The following REV3L variants were observed in gnomAD, a reference collection of about 807,000 sequenced individuals.
REV3L encodes the protein REV3 like, DNA directed polymerase zeta catalytic subunit.
A neutral mutation model predicts 299.4 loss-of-function variants in REV3L; 69 were observed. That is an observed-to-expected ratio of 0.23 (90% CI 0.19 to 0.28). The LOEUF is 0.28. Ranked by LOEUF, REV3L falls within the 10% of genes least tolerant of loss-of-function variation. The probability of loss-of-function intolerance (pLI) is 1.00; values close to 1 mark genes in which losing one functional copy is unlikely to be tolerated. For missense variants in REV3L, 3,128 were observed against 3,693.8 expected (o/e 0.85, Z 3.97); for synonymous variants, 1,238 against 1,271.4 (o/e 0.97, Z 0.56).
chr6:111,412,145 A>T (rs1784314828), intron 2 of REV3L: 2 of 985,288 alleles, frequency 2.0e-6, no homozygotes, highest in Non-Finnish European at 2.4e-6. Flanking sequence ...GTATTTCAGT[A>T]GCTGATATGA....
Position 111,376,764 on chromosome 6 carries a change from T to C in REV3L, c.1598-7A>G, listed in dbSNP as rs1554211965. On this transcript the variant is annotated splice_region_variant and splice_polypyrimidine_tract_variant and intron_variant, in intron 12 of 31. Transcript: ENST00000368802. ...TCATTGTTCAATGGATTGTCTGAAA[T>C]GAGGAGGGAAAAACAGTTTATTTCA... The C allele has an allele frequency of 2.6e-6, 4 of 1,542,454 alleles. No individual in the cohort carries two copies. The highest frequency in any genetic ancestry group is 2.5e-5 in the South Asian group (2 of 80,368).
intron 9 of REV3L, among the ~76,000 whole-genome samples, chr6:111,387,022 A>T (rs1582798018): frequency 6.6e-6 from 1 of 152,152 alleles, no homozygotes; most frequent in Non-Finnish European, 1.5e-5. Flanking sequence ...GCTCCTGGCC[A>T]GCAGCACTAT....
At chr6:111,397,712 C>T (rs1782670102) in intron 4 of REV3L, among the ~76,000 whole-genome samples, 1 of 152,052 alleles carries the variant, frequency 6.6e-6, no homozygotes, top group South Asian at 2.1e-4. Context: ...CCACAGTTCA[C>T]TGCAGCCTCA....
At chr6:111,309,813 T>A in intron 30 of REV3L, 40 bp downstream of exon 30, 4 of 1,577,602 alleles carry the variant, frequency 2.5e-6, no homozygotes, top group Non-Finnish European at 3.4e-6. Context: ...GAGTGAAATC[T>A]CTCCATAGTT....
intron 2 of REV3L, chr6:111,412,327 A>G: frequency 1.1e-6 from 1 of 908,830 alleles, no homozygotes; most frequent in Non-Finnish European, 1.3e-6. Flanking sequence ...GCAAAAGGCT[A>G]TATAACAGGA....
intron 1 of REV3L, among the ~76,000 whole-genome samples, chr6:111,441,953 C>G (rs1489608618): frequency 2.0e-5 from 3 of 152,076 alleles, no homozygotes; most frequent in Non-Finnish European, 4.4e-5. Flanking sequence ...GGCCTGTGTC[C>G]CGGGGGTGTG....
At chr6:111,368,968 A>G (rs1779499441) in intron 13 of REV3L, among the ~76,000 whole-genome samples, 2 of 152,168 alleles carry the variant, frequency 1.3e-5, no homozygotes, top group South Asian at 4.1e-4. Flanking sequence ...TGTCTCCTTT[A>G]TATGAAAAGA....
intron 1 of REV3L, among the ~76,000 whole-genome samples, chr6:111,426,488 G>C (rs900188506): frequency 1.3e-5 from 2 of 152,174 alleles, no homozygotes; most frequent in African/African-American, 4.8e-5. Context: ...AATTTTTTGT[G>C]TGTGAAAAAT....
intron 28 of REV3L, 90 bp downstream of exon 28, chr6:111,313,262 C>T: frequency 8.4e-7 from 1 of 1,189,734 alleles, no homozygotes; most frequent in East Asian, 2.4e-5. Context: ...AGTTCCTTCA[C>T]CTAGATGCAT....
At chr6:111,482,621 G>GAGGGA in intron 1 of REV3L, 129 bp downstream of exon 1, 1 of 418,548 alleles carries the variant, frequency 2.4e-6, no homozygotes, top group Non-Finnish European at 3.4e-6. Context: ...GGGCGGAGGG[G>GAGGGA]AGGGAAGACG....
At chr6:111,308,238 A>G (rs773423937) in intron 30 of REV3L, 1 of 453,952 alleles carries the variant, frequency 2.2e-6, no homozygotes, top group South Asian at 1.6e-5. Context: ...TAGTGCCGCA[A>G]TAAATCCCTT....
chr6:111,434,650 A>G (rs1440775969), intron 1 of REV3L, among the ~76,000 whole-genome samples: 1 of 152,072 alleles, frequency 6.6e-6, no homozygotes, highest in Non-Finnish European at 1.5e-5. Flanking sequence ...TGAATCCAGT[A>G]AAGTTGTAGG....
At chr6:111,430,875 T>C in intron 1 of REV3L, 2 of 1,605,020 alleles carry the variant, frequency 1.2e-6, no homozygotes, top group Non-Finnish European at 1.7e-6. Context: ...ACAACAATGT[T>C]GGGACTTCTC....
chr6:111,376,964 T>G (rs1442321225), intron 12 of REV3L, among the ~76,000 whole-genome samples: 2 of 152,206 alleles, frequency 1.3e-5, no homozygotes, highest in Non-Finnish European at 2.9e-5. Flanking sequence ...TAAACAAATA[T>G]TCCATTGATC....
intron 5 of REV3L, among the ~76,000 whole-genome samples, chr6:111,392,428 A>G (rs1313718346): frequency 2.0e-5 from 3 of 152,200 alleles, no homozygotes; most frequent in Non-Finnish European, 4.4e-5. Flanking sequence ...ATAATGAAAC[A>G]AATAAATTAC....
At chr6:111,459,157 A>C (rs1277500833) in intron 1 of REV3L, among the ~76,000 whole-genome samples, 3 of 152,178 alleles carry the variant, frequency 2.0e-5, no homozygotes, top group Non-Finnish European at 4.4e-5. Context: ...ATGTTCAACA[A>C]AGTTGACAAA....
intron 1 of REV3L, among the ~76,000 whole-genome samples, chr6:111,456,973 ATTTG>A (rs1277760980): frequency 1.3e-5 from 2 of 152,162 alleles, no homozygotes; most frequent in Non-Finnish European, 2.9e-5. Flanking sequence ...CTAAGTTTAA[ATTTG>A]TTTTATTTAC....
At chr6:111,369,971 TAC>T (rs917457432) in intron 13 of REV3L, among the ~76,000 whole-genome samples, 24 of 151,918 alleles carry the variant, frequency 1.6e-4, no homozygotes, top group Admixed American at 1.3e-4. Flanking sequence ...CGAGTAGGAT[TAC>T]AGACTCATGC....
At chr6:111,415,621 T>A (rs1784679543) in intron 2 of REV3L, among the ~76,000 whole-genome samples, 1 of 152,040 alleles carries the variant, frequency 6.6e-6, no homozygotes, top group African/African-American at 2.4e-5. Flanking sequence ...TACCCTCTCA[T>A]CTCTCTCTTA....
Sources: allele counts gnomAD v4.1 joint callset (sites outside exome capture counted in the v4.1 genomes callset), GRCh38; gene constraint gnomAD v4.1.1; transcripts MANE v1.5; gene names NCBI Gene and HGNC (gene_info 2026-07-23, HGNC 2026-07-21).